The following UBAP1L variants were observed in gnomAD, a reference collection of about 807,000 sequenced individuals.
The protein encoded by UBAP1L is ubiquitin-associated protein 1-like.
In UBAP1L, 32 loss-of-function variants were observed where a neutral mutation model predicts 32.1. The observed-to-expected ratio is 1.00, with a 90% CI of 0.75 to 1.34. The LOEUF is 1.34. UBAP1L is among the 40% of genes most tolerant of loss of function. The pLI is 0.00. For synonymous variants in UBAP1L, 243 were observed against 250.2 expected, an observed-to-expected ratio of 0.97 and a Z score of 0.27; for missense variants, 516 against 540.5, an observed-to-expected ratio of 0.95 and a Z score of 0.45.
intron 1 of UBAP1L, 44 bp from the exon 2 acceptor site, chr15:65,106,432 G>A (rs2087312977): frequency 4.2e-6 from 2 of 470,994 alleles, no homozygotes; most frequent in Non-Finnish European, 7.3e-6. Flanking sequence ...GCATTCACAC[G>A]GACAGAAATT....
intron 2 of UBAP1L, among the ~76,000 whole-genome samples, chr15:65,104,632 C>A (rs2087284395): frequency 6.6e-6 from 1 of 152,180 alleles, no homozygotes; most frequent in East Asian, 1.9e-4. Context: ...AATGCCAGCA[C>A]TGGGAGGCCG....
chr15:65,106,091 C>G lies in UBAP1L; in HGVS notation c.120+5G>C, dbSNP rs981054896. ...CAGAAGACAGAAACACAGAGACACACTTACCATAGAACCCAGCAGAACTTC... is the reference window on the plus strand; with the variant it reads ...CAGAAGACAGAAACACAGAGACACAGTTACCATAGAACCCAGCAGAACTTC... On this transcript the variant is annotated splice_donor_5th_base_variant and intron_variant, in intron 2 of 5. Transcript: ENST00000559089. 1.9e-6 allele frequency: 3 copies of G among 1,551,426 alleles called. No homozygotes were observed. In the East Asian group the frequency reaches 7.3e-5, roughly 38 times the overall value.
chr15:65,108,994 T>C (rs2087348339), intron 1 of UBAP1L, among the ~76,000 whole-genome samples: 1 of 150,756 alleles, frequency 6.6e-6, no homozygotes, highest in African/African-American at 2.4e-5. Flanking sequence ...CTGTTTCTAC[T>C]AAACATACAA....
chr15:65,103,833 G>C (rs2087272149), intron 2 of UBAP1L, among the ~76,000 whole-genome samples: 1 of 152,144 alleles, frequency 6.6e-6, no homozygotes, highest in African/African-American at 2.4e-5. Context: ...AACTAATGAG[G>C]CATACTTGGA....
rs144932697 is a variant in UBAP1L, at chr15:65,107,317, G to A, written c.-173-929C>T. On this transcript the variant is annotated intron_variant, in intron 1 of 5. Transcript: ENST00000559089. ...GCTGCTGCACTCCAGCCTGACAACG[G>A]AGCAAGATGCTGTCTCAAAAAAAAA... Among the ~76,000 whole-genome samples the A allele has an allele frequency of 7.8e-3, 1,140 of 146,294 alleles. 20 individuals are homozygous for A. Among genetic ancestry groups the A allele is most frequent in the Middle Eastern group, 0.026 (7 of 268 alleles).
At chr15:65,108,215 G>T (rs1342314634) in intron 1 of UBAP1L, among the ~76,000 whole-genome samples, 1 of 151,942 alleles carries the variant, frequency 6.6e-6, no homozygotes, top group Non-Finnish European at 1.5e-5. Flanking sequence ...AATTGGCTCT[G>T]TAGAGTAGCT....
chr15:65,094,528 C>G lies in UBAP1L; in HGVS notation c.958G>C (p.Glu320Gln). 1 of 1,551,566 alleles carries G rather than the reference C, an allele frequency of 6.4e-7. No individual in the cohort carries two copies. The highest frequency in any genetic ancestry group is 8.7e-7 in the Non-Finnish European group (1 of 1,146,972). Residue 320 changes from glutamate to glutamine, a missense_variant, in exon 5 of 6, where the codon GAG becomes CAG. Physicochemically the swap from Glu to Gln is conservative, Grantham distance 29. Coordinates refer to ENST00000559089, the MANE Select transcript of UBAP1L (RefSeq NM_001163692.2). This position sits in a 1 kb window ranked among gnomAD's most constrained non-coding sequence, Gnocchi z 4.2. ...ATGGCCTCATCCACCAGGCCTTCCT[C>G]ATATCCCTGACGTAACAGGCGGTCA... ...ACDRLLRQGY[E>Q]EGLVDEAMEM...
At chr15:65,096,150 G>C (rs2087171185) in intron 4 of UBAP1L, 1 of 152,358 alleles carries the variant, frequency 6.6e-6, no homozygotes, top group Non-Finnish European at 1.5e-5. Context: ...TTCAGAAGGA[G>C]GGCGGGCAAG....
chr15:65,102,135 G>T lies in UBAP1L; in HGVS notation c.670C>A (p.Pro224Thr). 2 of 1,209,480 alleles carry T rather than the reference G, an allele frequency of 1.7e-6. No homozygotes were observed. Among genetic ancestry groups the T allele is most frequent in the African/African-American group, 1.6e-5 (1 of 63,442 alleles). The allele number at this position is 1,209,480 out of a possible 1,614,324, so 74.9% of individuals were successfully genotyped here. A position where few individuals can be genotyped will look rare whatever the true frequency, so the allele number is the denominator to read the frequency against. ...ACCGTAGGCTTGTGGCTCCGCAGCG[G>T]GGGGATGGCGCCTGCCGTGGAGGGC... is the stretch of plus-strand genomic sequence containing the variant. ...PRPSTAGAIP[P>T]LRSHKPTVAS... The change falls in exon 3 of 6, where the codon CCG (proline) becomes ACG (threonine). Residue 224 changes from proline (P) to threonine (T), a missense_variant. Pro to Thr is a conservative substitution (Grantham distance 38, BLOSUM62 -1). Coordinates refer to ENST00000559089, the MANE Select transcript of UBAP1L (RefSeq NM_001163692.2). This position sits in a 1 kb window ranked among gnomAD's most constrained non-coding sequence, Gnocchi z 5.0.
At chr15:65,100,251 A>AAAACAAAACAAAAC (rs1555409175) in intron 3 of UBAP1L, 3 of 151,866 alleles carry the variant, frequency 2.0e-5, no homozygotes, top group Non-Finnish European at 4.4e-5. Context: ...TCTCAAAAAA[A>AAAACAAAACAAAAC]AAAACAAAAC....
At chr15:65,099,378 G>T (rs1026889915) in intron 4 of UBAP1L, 127 bp downstream of exon 4, 2 of 981,066 alleles carry the variant, frequency 2.0e-6, no homozygotes, top group Non-Finnish European at 3.0e-6. Context: ...GGCCATAGAT[G>T]CTCCAGAGCT....
chr15:65,107,679 C>T (rs558464722), intron 1 of UBAP1L, among the ~76,000 whole-genome samples: 1 of 137,682 alleles, frequency 7.3e-6, no homozygotes, highest in South Asian at 2.2e-4. Context: ...GCAGAGGTTG[C>T]AGTGAGCCAA....
At position 65,102,320 on chromosome 15, in the gene UBAP1L, AGCC is replaced by A. The variant is rs923007277; in HGVS notation, c.482_484del (p.Arg161del). 9 of 1,440,156 alleles carry A rather than the reference AGCC, an allele frequency of 6.2e-6. No homozygotes were observed. The Admixed American group carries it at 8.4e-5, about 13-fold the overall frequency. The allele number at this position is 1,440,156 out of a possible 1,614,324, so 89.2% of individuals were successfully genotyped here. ...CCGGGAGACCAGCTTCCCCTCGGAG[AGCC>A]GCCGCCGCGCCCCTGCCAGCTCCAA... On this transcript the variant is annotated inframe_deletion, in exon 3 of 6. Transcript: ENST00000559089. The surrounding 1 kb of genome is among the most constrained non-coding windows in gnomAD (Gnocchi z 5.0).
At position 65,093,815 on chromosome 15, in the gene UBAP1L, G is replaced by A. The variant is rs373300442; in HGVS notation, c.1012-584C>T. ...TCCCAGCACTTTGGGAGGCCGAGGC[G>A]GGCGGATCACTTGAGATCAGGCATT... is the stretch of plus-strand genomic sequence containing the variant. On this transcript the variant is annotated intron_variant, in intron 5 of 5. Coordinates refer to ENST00000559089, the MANE Select transcript of UBAP1L (RefSeq NM_001163692.2). Among the ~76,000 whole-genome samples the A allele has an allele frequency of 9.4e-4, 143 of 152,288 alleles. 1 individual carries two copies. The highest frequency in any genetic ancestry group is 3.0e-3 in the African/African-American group (125 of 41,574).
At chr15:65,096,920 T>C (rs1595918785) in intron 4 of UBAP1L, 1 of 152,418 alleles carries the variant, frequency 6.6e-6, no homozygotes, top group East Asian at 1.9e-4. Flanking sequence ...CCAAAAAGGA[T>C]TTACTGCAAT....
chr15:65,107,165 C>G (rs1259203925), intron 1 of UBAP1L, among the ~76,000 whole-genome samples: 1 of 151,500 alleles, frequency 6.6e-6, no homozygotes, highest in Non-Finnish European at 1.5e-5. Flanking sequence ...AATTATATAG[C>G]TTCATAGATG....
In UBAP1L at chr15:65,094,521, C is replaced by A. The variant is rs1195711206; in HGVS notation, c.965G>T (p.Gly322Val). The A allele has an allele frequency of 1.3e-6, 2 of 1,551,528 alleles. No homozygotes were observed. The highest frequency in any genetic ancestry group is 1.7e-6 in the Non-Finnish European group (2 of 1,146,968). ...CATCTCCATGGCCTCATCCACCAGG[C>A]CTTCCTCATATCCCTGACGTAACAG... ...DRLLRQGYEE[G>V]LVDEAMEMFQ... Residue 322 changes from glycine (G) to valine (V), a missense_variant, in exon 5 of 6, where the codon GGC becomes GTC. Transcript: ENST00000559089. The surrounding 1 kb of genome is among the most constrained non-coding windows in gnomAD (Gnocchi z 4.2).
In UBAP1L at chr15:65,093,100, C is replaced by G; in HGVS notation, c.1143G>C (p.Gln381His). The G allele has an allele frequency of 6.5e-7, 1 of 1,547,284 alleles. No homozygotes were observed. The highest frequency in any genetic ancestry group is 8.7e-7 in the Non-Finnish European group (1 of 1,146,132). ...GCATCGTGGAGTGCCTCCGTGGTCA[C>G]TGGGCACAGGCCACCAGCTCCTCCA... is the stretch of plus-strand genomic sequence containing the variant. ...QALEELVACA[Q>H] is the part of the protein sequence containing the mutation. Residue 381 changes from glutamine to histidine, a missense_variant, in exon 6 of 6, where the codon CAG (glutamine) becomes CAC (histidine). Transcript: ENST00000559089.
rs374415606 is a variant in UBAP1L at position 65,093,669 on chromosome 15, C to T, written c.1012-438G>A. Among the ~76,000 whole-genome samples the T allele has an allele frequency of 2.6e-5, 4 of 152,336 alleles. No individual in the cohort carries two copies. The South Asian group carries it at 6.2e-4, about 24-fold the overall frequency. ...CTTGAAACTTCCCCACCTCTGCTCA[C>T]TCTCTCCTTCTCGAGGCCTCACCCA... On this transcript the variant is annotated intron_variant, in intron 5 of 5. Transcript: ENST00000559089.
Sources: allele counts gnomAD v4.1 joint callset (sites outside exome capture counted in the v4.1 genomes callset), GRCh38; gene constraint gnomAD v4.1.1; non-coding constraint Gnocchi (gnomAD v3.1); transcripts MANE v1.5; gene names NCBI Gene and HGNC (gene_info 2026-07-23, HGNC 2026-07-21).